The following FAM200B variants were observed in gnomAD, a reference collection of about 807,000 sequenced individuals.
FAM200B encodes zinc finger BED-type containing 11, also known as protein FAM200B.
In FAM200B, 32 loss-of-function variants were observed where a neutral mutation model predicts 33.1. The observed-to-expected ratio is 0.97, with a 90% CI of 0.73 to 1.30. The LOEUF (loss-of-function observed/expected upper bound fraction) is 1.30, where lower values mean the gene tolerates loss of function less well. Among genes scored for constraint, FAM200B ranks in the 50% most tolerant of loss-of-function variants. The pLI is 0.00. For missense variants in FAM200B, 741 were observed against 754.0 expected (o/e 0.98, Z 0.20); for synonymous variants, 240 against 264.8 (o/e 0.91, Z 0.91).
chr4:15,654,891 G>A, the FAM200B span, among the ~76,000 whole-genome samples: 3 of 152,260 alleles, frequency 2.0e-5, no homozygotes, highest in Admixed American at 2.0e-4. Context: ...GGGAGTCCCA[G>A]CGCGGCGGTG....
At chr4:15,677,834 C>T (rs146568346), upstream of FAM200B, among the ~76,000 whole-genome samples, 9 of 152,184 alleles carry the variant, frequency 5.9e-5, no homozygotes, top group Non-Finnish European at 1.2e-4. Context: ...TGGGAATGCC[C>T]AAATATGGAG....
the FAM200B span, chr4:15,640,823 T>C: frequency 6.4e-7 from 1 of 1,571,942 alleles, no homozygotes; most frequent in Non-Finnish European, 8.6e-7. Context: ...AGAAAATCTC[T>C]TGTAAAAGCC....
At chr4:15,658,630 G>A in the FAM200B span, among the ~76,000 whole-genome samples, 1 of 152,098 alleles carries the variant, frequency 6.6e-6, no homozygotes. Context: ...CCAGAAAAAA[G>A]GCCCTCATCA....
At chr4:15,652,633 A>G in the FAM200B span, among the ~76,000 whole-genome samples, 1 of 152,338 alleles carries the variant, frequency 6.6e-6, no homozygotes, top group East Asian at 1.9e-4. Context: ...CTAAAAAATA[A>G]GTAGACTAAC....
At chr4:15,648,173 TAA>T in the FAM200B span, among the ~76,000 whole-genome samples, 7 of 152,166 alleles carry the variant, frequency 4.6e-5, no homozygotes, top group African/African-American at 1.7e-4. Flanking sequence ...GATAATTTAA[TAA>T]GTTAATATAA....
chr4:15,656,447 T>C, the FAM200B span: 3 of 370,908 alleles, frequency 8.1e-6, no homozygotes, highest in South Asian at 3.9e-5. Context: ...GAACCAGATA[T>C]GCTGTGTTCA....
Position 15,688,464 on chromosome 4 carries a change from T to C in FAM200B, c.1487T>C (p.Ile496Thr). 6.5e-7 allele frequency: 1 copy of C among 1,540,180 alleles called. No homozygotes were observed. Among genetic ancestry groups the C allele is most frequent in the Non-Finnish European group, 8.8e-7 (1 of 1,138,312 alleles). ...TTGCAGCATATTGAAGAGAATATTA[T>C]TAATGAAAACATTTTGAAAGAAATA... ...RFLQHIEENIINENILKEIKL... is the reference protein window; with the variant it reads ...RFLQHIEENITNENILKEIKL... The change falls in exon 2 of 2, where the codon ATT becomes ACT. Residue 496 changes from isoleucine (I) to threonine (T), a missense_variant. Coordinates refer to ENST00000422728, the MANE Select transcript of FAM200B (RefSeq NM_001145191.2).
At chr4:15,639,920 T>C in the FAM200B span, among the ~76,000 whole-genome samples, 4 of 152,238 alleles carry the variant, frequency 2.6e-5, no homozygotes, top group African/African-American at 9.6e-5. Context: ...CATAAAATAA[T>C]TTATCTATTT....
chr4:15,664,761 G>C, the FAM200B span, among the ~76,000 whole-genome samples: 5 of 151,618 alleles, frequency 3.3e-5, no homozygotes, highest in African/African-American at 1.2e-4. Flanking sequence ...GTTTCACCAT[G>C]TTGGCCAGGC....
chr4:15,674,587 C>T, the FAM200B span, among the ~76,000 whole-genome samples: 3 of 151,662 alleles, frequency 2.0e-5, no homozygotes, highest in South Asian at 2.1e-4. Flanking sequence ...AATCATAAAA[C>T]CTTCTTTTCT....
chr4:15,652,348 T>C, the FAM200B span, among the ~76,000 whole-genome samples: 1 of 152,186 alleles, frequency 6.6e-6, no homozygotes, highest in Non-Finnish European at 1.5e-5. Flanking sequence ...TCCATCTGAA[T>C]CTACCACTAG....
chr4:15,655,294 T>TGCCTCA, the FAM200B span: 6 of 1,406,364 alleles, frequency 4.3e-6, no homozygotes, highest in Non-Finnish European at 5.7e-6. Flanking sequence ...CCATCGCCAC[T>TGCCTCA]GCCTCAGCCT....
chr4:15,683,339 C>G (rs1718524706), intron 1 of FAM200B, among the ~76,000 whole-genome samples: 1 of 152,166 alleles, frequency 6.6e-6, no homozygotes, highest in African/African-American at 2.4e-5. Flanking sequence ...ATCACCACAT[C>G]TACCAGACCT....
At chr4:15,652,631 T>C in the FAM200B span, among the ~76,000 whole-genome samples, 1 of 152,204 alleles carries the variant, frequency 6.6e-6, no homozygotes, top group Non-Finnish European at 1.5e-5. Flanking sequence ...ACCTAAAAAA[T>C]AAGTAGACTA....
At chr4:15,665,793 C>T in the FAM200B span, among the ~76,000 whole-genome samples, 4 of 152,120 alleles carry the variant, frequency 2.6e-5, no homozygotes, top group African/African-American at 9.7e-5. Context: ...AAAAAGAACC[C>T]AGTAAAATAC....
chr4:15,660,918 A>T, the FAM200B span, among the ~76,000 whole-genome samples: 2 of 152,080 alleles, frequency 1.3e-5, no homozygotes, highest in African/African-American at 4.8e-5. Flanking sequence ...CTCTACTAAA[A>T]ATACAAAAAT....
At chr4:15,661,000 C>G in the FAM200B span, among the ~76,000 whole-genome samples, 1 of 151,886 alleles carries the variant, frequency 6.6e-6, no homozygotes, top group Non-Finnish European at 1.5e-5. Flanking sequence ...TCACTTAAAC[C>G]TGAGAGAAGG....
At chr4:15,675,824 C>G in the FAM200B span, among the ~76,000 whole-genome samples, 1 of 152,100 alleles carries the variant, frequency 6.6e-6, no homozygotes, top group Non-Finnish European at 1.5e-5. Context: ...CTCAGATGAT[C>G]CGCCTGCCTC....
chr4:15,679,834 G>T (rs1266453619), upstream of FAM200B, among the ~76,000 whole-genome samples: 5 of 151,250 alleles, frequency 3.3e-5, no homozygotes, highest in Admixed American at 3.3e-4. Context: ...ATCACTCTAT[G>T]AAGGGCAACT....
Sources: gnomAD v4.1 joint callset for allele counts (sites outside exome capture counted in the v4.1 genomes callset) on GRCh38, gnomAD v4.1.1 for gene constraint, MANE v1.5 for transcripts, NCBI Gene and HGNC (gene_info 2026-07-23, HGNC 2026-07-21) for gene names.